The following CCDC63 variants were observed in gnomAD, a reference collection of about 807,000 sequenced individuals.
The protein encoded by CCDC63 is coiled-coil domain containing 63, also known as coiled-coil domain-containing protein 63.
Under a neutral mutation model 63.6 loss-of-function variants are expected in CCDC63, and 54 were observed. That is an observed-to-expected ratio of 0.85 (90% CI 0.68 to 1.07). The LOEUF (loss-of-function observed/expected upper bound fraction) is 1.07, where lower values mean the gene tolerates loss of function less well. Ranked by LOEUF, CCDC63 falls within the 50% of genes least tolerant of loss-of-function variation. The pLI, the probability that CCDC63 is intolerant of heterozygous loss-of-function variation, is 0.00. For synonymous variants in CCDC63, 253 were observed against 266.1 expected, an observed-to-expected ratio of 0.95 and a Z score of 0.48; for missense variants, 637 against 689.6, an observed-to-expected ratio of 0.92 and a Z score of 0.86.
In CCDC63 at chr12:110,873,905, A is replaced by G. The variant is rs946904242; in HGVS notation, c.433A>G (p.Asn145Asp). ...KQIFAKMQEA[N>D]NPRKLQKQIH... ...GATTTTCGCAAAAATGCAGGAGGCC[A>G]ATAACCCCCGGAAACTGCAGAAACA... Residue 145 changes from asparagine (N) to aspartate (D), a missense_variant, in exon 5 of 12, where the codon AAT (asparagine) becomes GAT (aspartate). Transcript: ENST00000308208. 1.9e-6 allele frequency: 3 copies of G among 1,613,042 alleles called. No individual in the cohort carries two copies. The highest frequency in any genetic ancestry group is 2.7e-5 in the African/African-American group (2 of 74,616).
chr12:110,862,757 T>C (rs976660724), intron 4 of CCDC63, among the ~76,000 whole-genome samples: 1 of 143,380 alleles, frequency 7.0e-6, no homozygotes, highest in Admixed American at 7.0e-5. Context: ...TTTTCTTTTC[T>C]TTTTTTTTTT....
Position 110,881,268 on chromosome 12 carries a change from A to G in CCDC63, c.825A>G (p.Glu275=). The G allele has an allele frequency of 6.2e-7, 1 of 1,613,686 alleles. No homozygotes were observed. Among genetic ancestry groups the G allele is most frequent in the Non-Finnish European group, 8.5e-7 (1 of 1,179,814 alleles). The change falls in exon 7 of 12, where the codon GAA becomes GAG. Residue 275 remains glutamate, a synonymous_variant. Coordinates refer to ENST00000308208, the MANE Select transcript of CCDC63 (RefSeq NM_152591.3). The part of the protein sequence containing the change: ...FLLVKLNDRN[E]FEEQAKREEA... The stretch of plus-strand genomic sequence containing the variant: ...TCGTCAAGCTGAATGATCGCAATGA[A>G]TTCGAGGAGCAGGCCAAAAGGGAGG...
chr12:110,885,184 A>G (rs1244070398), intron 8 of CCDC63, among the ~76,000 whole-genome samples: 1 of 149,534 alleles, frequency 6.7e-6, no homozygotes, highest in Non-Finnish European at 1.5e-5. Flanking sequence ...AAGAAGAAAA[A>G]AAAAAAAGAG....
At chr12:110,888,425 A>ATT (rs2071312504) in intron 8 of CCDC63, among the ~76,000 whole-genome samples, 1 of 152,110 alleles carries the variant, frequency 6.6e-6, no homozygotes, top group South Asian at 2.1e-4. Flanking sequence ...GTCATGACAA[A>ATT]TATGTCTAAG....
At chr12:110,858,531 T>C (rs2070808028) in intron 3 of CCDC63, 55 bp from the exon 4 acceptor site, 1 of 1,522,728 alleles carries the variant, frequency 6.6e-7, no homozygotes, top group African/African-American at 1.4e-5. Context: ...CCTGGAGTGC[T>C]CCGTCAAGTT....
chr12:110,846,556 C>T (rs55937036), upstream of CCDC63, among the ~76,000 whole-genome samples: 22,305 of 151,568 alleles, frequency 0.15, 2,770 homozygotes, highest in African/African-American at 0.34. Context: ...TTTATTTTTA[C>T]TTTATTTTAT....
intron 5 of CCDC63, among the ~76,000 whole-genome samples, chr12:110,877,513 T>A (rs1362521594): frequency 6.7e-6 from 1 of 149,788 alleles, no homozygotes; most frequent in African/African-American, 2.5e-5. Context: ...CCACTGCGCC[T>A]AGCCCCAAAT....
chr12:110,867,205 CG>C, intron 4 of CCDC63, among the ~76,000 whole-genome samples: 1 of 131,852 alleles, frequency 7.6e-6, no homozygotes, highest in South Asian at 2.5e-4. Flanking sequence ...CCGGACGGGG[CG>C]GCTGGCCGGG....
chr12:110,893,205 G>A lies in CCDC63; in HGVS notation c.1149+55G>A, dbSNP rs370678392. On this transcript the variant is annotated intron_variant, in intron 9 of 11. Coordinates refer to ENST00000308208, the MANE Select transcript of CCDC63 (RefSeq NM_152591.3). ...GGGAGCTTCTGTTGTCTGTCTCTGT[G>A]TCTGACGGGAGCTTCTGTCTGTCTG... The A allele has an allele frequency of 7.2e-5, 103 of 1,436,552 alleles. No individual in the cohort carries two copies. The African/African-American group carries it at 1.3e-3, about 18-fold the overall frequency. The allele number at this position is 1,436,552 out of a possible 1,614,324, so 89.0% of individuals were successfully genotyped here.
At chr12:110,876,879 C>CA (rs57300765) in intron 5 of CCDC63, among the ~76,000 whole-genome samples, 4,737 of 110,924 alleles carry the variant, frequency 0.043, 159 homozygotes, top group African/African-American at 0.094. Context: ...ACTAAAAATA[C>CA]AAAAAAAAAA....
chr12:110,851,301 A>G (rs1249090761), intron 1 of CCDC63, among the ~76,000 whole-genome samples: 1 of 152,074 alleles, frequency 6.6e-6, no homozygotes, highest in African/African-American at 2.4e-5. Flanking sequence ...GTCTGTCTTC[A>G]TTTTGTCTTC....
intron 6 of CCDC63, among the ~76,000 whole-genome samples, chr12:110,880,789 T>G (rs1056924827): frequency 0.081 from 101 of 1,254 alleles, no homozygotes; most frequent in Admixed American, 0.11. Flanking sequence ...ATGGTGGTGA[T>G]GATGATGGTG....
chr12:110,845,322 A>G (rs1355064485), upstream of CCDC63, among the ~76,000 whole-genome samples: 1 of 152,158 alleles, frequency 6.6e-6, no homozygotes, highest in Admixed American at 6.6e-5. Context: ...GATGGGAGAT[A>G]TCAGCTTGCA....
At chr12:110,899,152 T>A in intron 10 of CCDC63, 27 bp downstream of exon 10, 1 of 1,585,784 alleles carries the variant, frequency 6.3e-7, no homozygotes, top group Non-Finnish European at 8.6e-7. Flanking sequence ...CCCGTTGGAG[T>A]CTTAGGAAAC....
At chr12:110,845,543 G>A (rs993832725), upstream of CCDC63, 3 of 152,198 alleles carry the variant, frequency 2.0e-5, no homozygotes, top group Non-Finnish European at 4.4e-5. Context: ...CTGACATGTA[G>A]CTGTTCATAA....
chr12:110,844,593 A>G (rs972888872), upstream of CCDC63, among the ~76,000 whole-genome samples: 3 of 152,344 alleles, frequency 2.0e-5, no homozygotes, highest in Admixed American at 2.0e-4. Context: ...TTCCTGGACC[A>G]GTAGAAGTTT....
rs1430298729 is a variant in CCDC63 at position 110,858,666 on chromosome 12, A to T, written c.260A>T (p.Asn87Ile). The T allele has an allele frequency of 6.2e-7, 1 of 1,614,024 alleles. No homozygotes were observed. Among genetic ancestry groups the T allele is most frequent in the East Asian group, 2.2e-5 (1 of 44,898 alleles). The change falls in exon 4 of 12, where the codon AAT becomes ATT. Residue 87 changes from asparagine to isoleucine, a missense_variant. By Grantham distance (149) the Asn-to-Ile change is moderately radical. Transcript: ENST00000308208. ...CTCATGAAATCCTCGAGGAACATGA[A>T]TCGGAGTGAGAAGAACTACATGGAG... ...LSLMKSSRNM[N>I]RSEKNYMELR... is the part of the protein sequence containing the mutation.
At position 110,889,151 on chromosome 12, in the gene CCDC63, GA is replaced by G. The variant is rs1187465316; in HGVS notation, c.1075-3923del. On this transcript the variant is annotated intron_variant, in intron 8 of 11. Coordinates refer to ENST00000308208, the MANE Select transcript of CCDC63 (RefSeq NM_152591.3). The surrounding 1 kb of genome is among the most constrained non-coding windows in gnomAD (Gnocchi z 4.1). ...ATCATATAAAGTTGTGTATCTGATT[GA>G]AGCAAATGTCCTTTTGGTTACTCGT... 6.6e-6 allele frequency among the ~76,000 whole-genome samples: 1 copy of G among 152,130 alleles called. No individual in the cohort carries two copies. Among genetic ancestry groups the G allele is most frequent in the Non-Finnish European group, 1.5e-5 (1 of 68,022 alleles).
chr12:110,855,347 T>C (rs538836611), intron 3 of CCDC63, among the ~76,000 whole-genome samples: 2 of 152,322 alleles, frequency 1.3e-5, no homozygotes, highest in African/African-American at 2.4e-5. Context: ...GGCCACAACC[T>C]GCACATCTGT....
Sources: allele counts gnomAD v4.1 joint callset (sites outside exome capture counted in the v4.1 genomes callset), GRCh38; gene constraint gnomAD v4.1.1; non-coding constraint Gnocchi (gnomAD v3.1); transcripts MANE v1.5; gene names NCBI Gene and HGNC (gene_info 2026-07-23, HGNC 2026-07-21).